The following TRIM48 variants were observed in gnomAD, a reference collection of about 807,000 sequenced individuals.
TRIM48 encodes the protein tripartite motif containing 48, also known as E3 ubiquitin-protein ligase TRIM48.
In TRIM48, 31 loss-of-function variants were observed where a neutral mutation model predicts 29.5. The ratio of observed to expected loss-of-function variants is 1.05; its 90% CI spans 0.79 to 1.42. TRIM48 has a LOEUF of 1.42. Among genes scored for constraint, TRIM48 ranks in the 40% most tolerant of loss-of-function variants. The pLI, the probability that TRIM48 is intolerant of heterozygous loss-of-function variation, is 0.00. For synonymous variants in TRIM48, 128 were observed against 90.6 expected (o/e 1.41, Z -2.34); for missense variants, 344 against 265.0 (o/e 1.30, Z -2.07).
At chr11:55,266,551 C>T (rs546647986) in intron 3 of TRIM48, among the ~76,000 whole-genome samples, 1 of 147,052 alleles carries the variant, frequency 6.8e-6, no homozygotes, top group Non-Finnish European at 1.5e-5. Flanking sequence ...ATGATGTGTT[C>T]GAGTGTGGTA....
chr11:55,264,223 G>A (rs1241727939), intron 1 of TRIM48, among the ~76,000 whole-genome samples: 1 of 147,906 alleles, frequency 6.8e-6, no homozygotes, highest in African/African-American at 2.5e-5. Flanking sequence ...AAATAAAAAG[G>A]TCCGATATCT....
intron 2 of TRIM48, 32 bp downstream of exon 2, chr11:55,265,346 A>G (rs765564320): frequency 1.9e-6 from 3 of 1,581,110 alleles, no homozygotes; most frequent in East Asian, 2.4e-5. Flanking sequence ...CTATTTCTAT[A>G]AAGGACACAT....
At position 55,271,100 on chromosome 11, in the gene TRIM48, G is replaced by C. The variant is rs1387774792; in HGVS notation, c.*665G>C. ...ATTTATTGTGTTACTATTAAATGTAGTAAAAACACTAAAAGTATATATATT... is the reference window on the plus strand; with the variant it reads ...ATTTATTGTGTTACTATTAAATGTACTAAAAACACTAAAAGTATATATATT... On this transcript the variant is annotated 3_prime_UTR_variant, in exon 6 of 6. Coordinates refer to ENST00000417545, the MANE Select transcript of TRIM48 (RefSeq NM_024114.5). 19 of 910,294 alleles carry C rather than the reference G, an allele frequency of 2.1e-5. No individual in the cohort carries two copies. Among genetic ancestry groups the C allele is most frequent in the Non-Finnish European group, 2.8e-5 (18 of 650,110 alleles). The allele number at this position is 910,294 out of a possible 1,614,324, so 56.4% of individuals were successfully genotyped here. A position where few individuals can be genotyped will look rare whatever the true frequency, so the allele number is the denominator to read the frequency against.
intron 3 of TRIM48, among the ~76,000 whole-genome samples, chr11:55,267,172 T>C (rs1264010357): frequency 6.8e-6 from 1 of 148,010 alleles, no homozygotes; most frequent in Non-Finnish European, 1.5e-5. Context: ...TGTTTTTTTT[T>C]ATTTCCAACT....
intron 1 of TRIM48, among the ~76,000 whole-genome samples, chr11:55,263,239 G>C (rs557207600): frequency 1.3e-5 from 2 of 152,126 alleles, no homozygotes; most frequent in African/African-American, 2.4e-5. Flanking sequence ...AGAGTATACA[G>C]TATAGAACAC....
rs1857452864 is a variant in TRIM48, at chr11:55,269,834, C to T, written c.*1+495C>T. Among the ~76,000 whole-genome samples the T allele has an allele frequency of 1.4e-5, 2 of 147,284 alleles. 1 individual carries two copies. The highest frequency in any genetic ancestry group is 4.3e-4 in the East Asian group (2 of 4,662). On this transcript the variant is annotated intron_variant, in intron 5 of 5. Transcript: ENST00000417545. ...ATAAAAAGAAATCATTTTGTGAATA[C>T]AAGTAAAACATCAAACAAAAAGAAG...
At chr11:55,269,698 T>C (rs4102524) in intron 5 of TRIM48, among the ~76,000 whole-genome samples, 122,057 of 146,364 alleles carry the variant, frequency 0.83, 52,994 homozygotes, top group East Asian at 1. Context: ...ATTTGAACAG[T>C]TAAGAACTGT....
chr11:55,267,145 T>C (rs1372082495), intron 3 of TRIM48, among the ~76,000 whole-genome samples: 3 of 147,788 alleles, frequency 2.0e-5, no homozygotes, highest in Non-Finnish European at 4.5e-5. Flanking sequence ...TGGGTTGGAA[T>C]AGAGAAATTC....
intron 5 of TRIM48, among the ~76,000 whole-genome samples, chr11:55,269,849 AC>A (rs1857453153): frequency 6.8e-6 from 1 of 147,968 alleles, no homozygotes; most frequent in Non-Finnish European, 1.5e-5. Flanking sequence ...AAAACATCAA[AC>A]AAAAAGAAGT....
rs1442048170 is a variant in TRIM48, at chr11:55,269,331, A to T, written c.668A>T (p.Gln223Leu). 2 of 1,574,898 alleles carry T rather than the reference A, an allele frequency of 1.3e-6. No homozygotes were observed. The highest frequency in any genetic ancestry group is 1.7e-6 in the Non-Finnish European group (2 of 1,165,896). ...PITGLRDRLN[Q>L]F ...ACTGGACTGAGGGACAGGCTCAACCAATTCTGAGGTAAGTCTCCACCCACA... is the reference window on the plus strand; with the variant it reads ...ACTGGACTGAGGGACAGGCTCAACCTATTCTGAGGTAAGTCTCCACCCACA... The change falls in exon 5 of 6, where the codon CAA becomes CTA. Residue 223 changes from glutamine (Q) to leucine (L), a missense_variant. Gln to Leu is a moderately radical substitution (Grantham distance 113). Transcript: ENST00000417545.
In TRIM48 at chr11:55,263,378, C is replaced by T. The variant is rs910232605; in HGVS notation, c.44+1067C>T. On this transcript the variant is annotated intron_variant, in intron 1 of 5. Coordinates refer to ENST00000417545, the MANE Select transcript of TRIM48 (RefSeq NM_024114.5). ...AAACAATAAAACAATAAAACCTAGG[C>T]GCAGTGACTCATGCCTGTAATCCCA... is the stretch of plus-strand genomic sequence containing the variant. 1.1e-4 allele frequency among the ~76,000 whole-genome samples: 16 copies of T among 152,056 alleles called. No individual in the cohort carries two copies. In the South Asian group the frequency reaches 1.2e-3, roughly 12 times the overall value.
chr11:55,262,413 A>T (rs1451311305), intron 1 of TRIM48, 102 bp downstream of exon 1: 4 of 822,304 alleles, frequency 4.9e-6, no homozygotes, highest in Non-Finnish European at 8.0e-6. Context: ...ACACAATGAT[A>T]CCATCTGTAA....
intron 1 of TRIM48, among the ~76,000 whole-genome samples, chr11:55,264,063 G>A (rs111561038): frequency 6.6e-6 from 1 of 152,062 alleles, no homozygotes; most frequent in South Asian, 2.1e-4. Flanking sequence ...CCATTTCCCT[G>A]GGTGTTGGTT....
chr11:55,264,418 A>G (rs1047263846), intron 1 of TRIM48, among the ~76,000 whole-genome samples: 2 of 147,980 alleles, frequency 1.4e-5, no homozygotes, highest in African/African-American at 4.9e-5. Context: ...ACACAGGTAA[A>G]CATGTGCCAT....
At chr11:55,262,994 G>A (rs960294816) in intron 1 of TRIM48, among the ~76,000 whole-genome samples, 3 of 151,966 alleles carry the variant, frequency 2.0e-5, no homozygotes, top group African/African-American at 4.8e-5. Flanking sequence ...GGAGAGTAAC[G>A]AAAAGGACTT....
chr11:55,264,499 T>C (rs1312150604), intron 1 of TRIM48, among the ~76,000 whole-genome samples: 1 of 148,228 alleles, frequency 6.7e-6, no homozygotes, highest in Non-Finnish European at 1.5e-5. Flanking sequence ...CATCTTCTCG[T>C]ATTTCTTTGG....
At chr11:55,263,974 G>C (rs1171800787) in intron 1 of TRIM48, among the ~76,000 whole-genome samples, 2 of 152,026 alleles carry the variant, frequency 1.3e-5, no homozygotes, top group Non-Finnish European at 1.5e-5. Flanking sequence ...GAGGGATGAT[G>C]GTCCCACTCA....
At position 55,270,979 on chromosome 11, in the gene TRIM48, C is replaced by T; in HGVS notation, c.*544C>T. 1.3e-6 allele frequency: 2 copies of T among 1,525,654 alleles called. No individual in the cohort carries two copies. 94.5% of individuals were successfully genotyped at this position (1,525,654 alleles called of 1,614,324 possible). A position where few individuals can be genotyped will look rare whatever the true frequency, so the allele number is the denominator to read the frequency against. ...ATGTGTTCATCTGCTGTGGGAACCC[C>T]TTTATCCCAGAAAGCCCTCTTCCTT... is the stretch of plus-strand genomic sequence containing the variant. On this transcript the variant is annotated 3_prime_UTR_variant, in exon 6 of 6. Coordinates refer to ENST00000417545, the MANE Select transcript of TRIM48 (RefSeq NM_024114.5).
intron 3 of TRIM48, among the ~76,000 whole-genome samples, chr11:55,266,848 G>T (rs1417563172): frequency 6.8e-6 from 1 of 147,214 alleles, no homozygotes; most frequent in Admixed American, 6.9e-5. Context: ...GAGGCCTGGG[G>T]AACCAAAGAA....
Sources: gnomAD v4.1 joint callset for allele counts (sites outside exome capture counted in the v4.1 genomes callset) on GRCh38, gnomAD v4.1.1 for gene constraint, MANE v1.5 for transcripts, NCBI Gene and HGNC (gene_info 2026-07-23, HGNC 2026-07-21) for gene names.